The following TET1 variants were observed in gnomAD, a reference collection of about 807,000 sequenced individuals.
The protein encoded by TET1 is methylcytosine dioxygenase TET1.
Under a neutral mutation model 148.7 loss-of-function variants are expected in TET1, and 13 were observed. That is an observed-to-expected ratio of 0.09 (90% CI 0.06 to 0.14). TET1 has a LOEUF of 0.14. TET1 is among the 10% of genes least tolerant of loss of function. The pLI is 1.00. For missense variants in TET1, 2,182 were observed against 2,553.8 expected, an observed-to-expected ratio of 0.85 and a Z score of 3.14; for synonymous variants, 907 against 937.2, an observed-to-expected ratio of 0.97 and a Z score of 0.59.
intron 3 of TET1, among the ~76,000 whole-genome samples, chr10:68,611,646 C>CTTTCTTTCTTTTCTTTTCTTTTCT (rs1231997596): frequency 7.7e-6 from 1 of 129,058 alleles, no homozygotes; most frequent in East Asian, 2.1e-4. Flanking sequence ...GTCAGAGACC[C>CTTTCTTTCTTTTCTTTTCTTTTCT]TTTCTTTCTT....
chr10:68,568,808 A>G (rs1216444554), intron 1 of TET1, among the ~76,000 whole-genome samples: 3 of 152,094 alleles, frequency 2.0e-5, no homozygotes, highest in Non-Finnish European at 4.4e-5. Flanking sequence ...CTGAGTTAGC[A>G]CTACTGCACT....
intron 8 of TET1, among the ~76,000 whole-genome samples, chr10:68,676,292 T>C (rs1247683148): frequency 7.8e-4 from 97 of 124,522 alleles, no homozygotes; most frequent in African/African-American, 2.8e-3. Context: ...TTTTTTTTTT[T>C]TTTTCTTCTG....
At chr10:68,617,794 C>T (rs926971864) in intron 3 of TET1, among the ~76,000 whole-genome samples, 4 of 152,140 alleles carry the variant, frequency 2.6e-5, no homozygotes, top group African/African-American at 9.7e-5. Flanking sequence ...GATCCACCCG[C>T]CTCGACCTCC....
At chr10:68,686,104 A>T (rs1463025125) in intron 10 of TET1, among the ~76,000 whole-genome samples, 2 of 152,220 alleles carry the variant, frequency 1.3e-5, no homozygotes, top group Non-Finnish European at 2.9e-5. Context: ...ATACGTAAGT[A>T]TTTTATAACG....
At chr10:68,651,429 C>A (rs989701797) in intron 4 of TET1, among the ~76,000 whole-genome samples, 1 of 151,592 alleles carries the variant, frequency 6.6e-6, no homozygotes, top group Admixed American at 6.6e-5. Context: ...CCAGCCTGGG[C>A]GACAGAGCAA....
chr10:68,644,579 A>T lies in TET1; in HGVS notation c.1969-119A>T, dbSNP rs575924721. The T allele has an allele frequency of 8.9e-5, 89 of 1,002,644 alleles. No homozygotes were observed. The East Asian group carries it at 2.5e-3, about 28-fold the overall frequency. The allele number at this position is 1,002,644 out of a possible 1,614,324, so 62.1% of individuals were successfully genotyped here. The stretch of plus-strand genomic sequence containing the variant: ...TTCGCTGAATGTGTGAAAAGCAAAA[A>T]TAATATTTTAGGCTGTATCCACAGG... On this transcript the variant is annotated intron_variant, in intron 3 of 11. Coordinates refer to ENST00000373644, the MANE Select transcript of TET1 (RefSeq NM_030625.3).
chr10:68,635,997 A>G (rs2054644896), intron 3 of TET1, among the ~76,000 whole-genome samples: 1 of 152,170 alleles, frequency 6.6e-6, no homozygotes, highest in Non-Finnish European at 1.5e-5. Context: ...GGGTCATGGC[A>G]AGTTAAGTCT....
chr10:68,613,970 A>G (rs2054253843), intron 3 of TET1, among the ~76,000 whole-genome samples: 1 of 151,878 alleles, frequency 6.6e-6, no homozygotes, highest in Non-Finnish European at 1.5e-5. Context: ...TGTTTAAAGT[A>G]TTTTGGTGAA....
Position 68,613,809 on chromosome 10 carries a change from G to A in TET1, c.1968+12775G>A, listed in dbSNP as rs141048729. ...GAAAATTAGCTGGGCATGGTGGTAC[G>A]CACCTGTAATCCCAGCTACTCAGGA... is the stretch of plus-strand genomic sequence containing the variant. On this transcript the variant is annotated intron_variant, in intron 3 of 11. Transcript: ENST00000373644. Among the ~76,000 whole-genome samples, 437 of 152,128 alleles carry A rather than the reference G, an allele frequency of 2.9e-3. 3 individuals are homozygous for A. Among genetic ancestry groups the A allele is most frequent in the African/African-American group, 0.01 (421 of 41,504 alleles).
In TET1 at chr10:68,667,064, A is replaced by T. The variant is rs1437098526; in HGVS notation, c.4481A>T (p.Asp1494Val). The change falls in exon 7 of 12, where the codon GAT becomes GTT. Residue 1494 changes from aspartate (D) to valine (V), a missense_variant. Transcript: ENST00000373644. ...IAKWVLRRSS[D>V]EEKVLCLVRQ... ...TTTCAGGTTTTAAGAAGAAGCAGTG[A>T]TGAAGAAAAAGTTCTTTGTTTGGTC... The T allele has an allele frequency of 6.2e-7, 1 of 1,613,944 alleles. No homozygotes were observed. The highest frequency in any genetic ancestry group is 8.5e-7 in the Non-Finnish European group (1 of 1,179,922).
intron 2 of TET1, among the ~76,000 whole-genome samples, chr10:68,575,286 A>AG (rs1429496994): frequency 6.6e-6 from 1 of 152,092 alleles, no homozygotes; most frequent in Non-Finnish European, 1.5e-5. Context: ...CTGGAGGCTG[A>AG]GGCAGGAAAA....
intron 2 of TET1, among the ~76,000 whole-genome samples, chr10:68,577,724 G>A (rs1393360449): frequency 1.3e-5 from 2 of 152,232 alleles, no homozygotes; most frequent in Middle Eastern, 3.4e-3. Flanking sequence ...CAGGAGAATC[G>A]CTTGAACCTG....
At chr10:68,655,156 C>T (rs1463001566) in intron 6 of TET1, among the ~76,000 whole-genome samples, 1 of 152,170 alleles carries the variant, frequency 6.6e-6, no homozygotes, top group Non-Finnish European at 1.5e-5. Flanking sequence ...CATAGCAAGA[C>T]CCCACATCTC....
chr10:68,687,951 T>G (rs1478410792), intron 11 of TET1, among the ~76,000 whole-genome samples: 1 of 151,926 alleles, frequency 6.6e-6, no homozygotes, highest in East Asian at 1.9e-4. Flanking sequence ...AAAGACAGAG[T>G]CTTGCTATGT....
intron 3 of TET1, among the ~76,000 whole-genome samples, chr10:68,624,848 C>CAGTT (rs1455952216): frequency 1.3e-5 from 2 of 151,382 alleles, no homozygotes; most frequent in African/African-American, 4.9e-5. Flanking sequence ...TCTCCTGACT[C>CAGTT]AGCCTCCCGA....
At chr10:68,638,338 C>T (rs1284267861) in intron 3 of TET1, among the ~76,000 whole-genome samples, 1 of 152,180 alleles carries the variant, frequency 6.6e-6, no homozygotes, top group Non-Finnish European at 1.5e-5. Flanking sequence ...ACTTTGTGGT[C>T]TGCCCATTGT....
intron 3 of TET1, among the ~76,000 whole-genome samples, chr10:68,624,770 C>T (rs1216748630): frequency 3.4e-5 from 5 of 145,496 alleles, no homozygotes; most frequent in Non-Finnish European, 7.6e-5. Flanking sequence ...CTTGCTCTGT[C>T]GCCCAGGCTG....
At chr10:68,672,510 A>AAAAAAAAAC (rs1564504100) in intron 7 of TET1, among the ~76,000 whole-genome samples, 6 of 144,562 alleles carry the variant, frequency 4.2e-5, no homozygotes, top group African/African-American at 1.6e-4. Flanking sequence ...AAAAAAAAAA[A>AAAAAAAAAC]ACACCAAAAA....
intron 3 of TET1, among the ~76,000 whole-genome samples, chr10:68,602,107 T>G (rs1047790388): frequency 6.6e-6 from 1 of 152,234 alleles, no homozygotes. Context: ...TACAGCATTT[T>G]CATGTACCTG....
Sources: allele counts gnomAD v4.1 joint callset (sites outside exome capture counted in the v4.1 genomes callset), GRCh38; gene constraint gnomAD v4.1.1; transcripts MANE v1.5; gene names NCBI Gene and HGNC (gene_info 2026-07-23, HGNC 2026-07-21).